Variants in SWAP70 observed in about 807,000 individuals in gnomAD.
The protein encoded by SWAP70 is switching B cell complex subunit SWAP70, also known as switch-associated protein 70.
SWAP70 carries 34 observed loss-of-function variants against 80.2 expected under a neutral mutation model. The observed-to-expected ratio is 0.42, with a 90% CI of 0.32 to 0.56. SWAP70 has a LOEUF of 0.56. Ranked by LOEUF, SWAP70 falls within the 20% of genes least tolerant of loss-of-function variation. SWAP70 has a pLI of 0.09. For missense variants in SWAP70, 578 were observed against 690.7 expected (o/e 0.84, Z 1.83); for synonymous variants, 239 against 238.5 (o/e 1.00, Z -0.02).
At chr11:9,672,554 T>G (rs12801039) in intron 1 of SWAP70, among the ~76,000 whole-genome samples, 5 of 145,142 alleles carry the variant, frequency 3.4e-5, no homozygotes, top group Non-Finnish European at 7.5e-5. Context: ...TTTTTTTTTT[T>G]GTAGAGACAG....
chr11:9,736,585 T>C (rs1851366122), intron 7 of SWAP70, among the ~76,000 whole-genome samples: 1 of 152,056 alleles, frequency 6.6e-6, no homozygotes. Flanking sequence ...CCTCACAGTG[T>C]GAAGCTTCTG....
intron 9 of SWAP70, among the ~76,000 whole-genome samples, chr11:9,743,809 G>A (rs557007433): frequency 3.0e-4 from 45 of 151,870 alleles, no homozygotes; most frequent in African/African-American, 9.7e-4. Context: ...CCGATCATTC[G>A]TGGAATATTT....
chr11:9,678,815 A>G (rs901457071), intron 1 of SWAP70, among the ~76,000 whole-genome samples: 2 of 152,032 alleles, frequency 1.3e-5, no homozygotes, highest in Admixed American at 1.3e-4. Flanking sequence ...AGTGGTGATT[A>G]TTAGCACATT....
rs569912929 is a variant in SWAP70 at position 9,739,934 on chromosome 11, G to A, written c.1189-247G>A. 1.2e-3 allele frequency among the ~76,000 whole-genome samples: 179 copies of A among 152,324 alleles called. 1 individual carries two copies. The highest frequency in any genetic ancestry group is 7.3e-3 in the South Asian group (35 of 4,826). The stretch of plus-strand genomic sequence containing the variant: ...TTGAGTCTTAAAATGTGGAGTGGAA[G>A]GGATGGAAAATACAGCAGGGCAGAA... On this transcript the variant is annotated intron_variant, in intron 8 of 11. Coordinates refer to ENST00000318950, the MANE Select transcript of SWAP70 (RefSeq NM_015055.4).
intron 6 of SWAP70, among the ~76,000 whole-genome samples, chr11:9,730,038 A>C (rs1443341999): frequency 6.6e-6 from 1 of 152,188 alleles, no homozygotes; most frequent in African/African-American, 2.4e-5. Flanking sequence ...TGTAGTGATG[A>C]AATCTGGGCT....
chr11:9,694,033 G>T, intron 1 of SWAP70, 113 bp from the exon 2 acceptor site: 2 of 1,347,966 alleles, frequency 1.5e-6, no homozygotes, highest in Admixed American at 5.4e-5. Flanking sequence ...GTTTTTGCTA[G>T]TTTATTTTCC....
chr11:9,701,330 C>T (rs545148292), intron 2 of SWAP70, among the ~76,000 whole-genome samples: 4 of 151,932 alleles, frequency 2.6e-5, no homozygotes, highest in African/African-American at 9.7e-5. Context: ...TGCCACCACG[C>T]CCAGCTACTT....
chr11:9,671,658 C>CAAATAGAAA (rs1850400238), intron 1 of SWAP70, among the ~76,000 whole-genome samples: 2 of 13,542 alleles, frequency 1.5e-4, no homozygotes, highest in Non-Finnish European at 2.3e-4. Flanking sequence ...AAATATATTT[C>CAAATAGAAA]TATATAAATA....
At chr11:9,675,370 A>AGAGG (rs1565111704) in intron 1 of SWAP70, among the ~76,000 whole-genome samples, 1 of 33,476 alleles carries the variant, frequency 3.0e-5, no homozygotes, top group Admixed American at 2.7e-4. Flanking sequence ...AGAGAGAGAG[A>AGAGG]GAGAGAGAGA....
chr11:9,716,190 T>C (rs1219672160), intron 3 of SWAP70, among the ~76,000 whole-genome samples: 1 of 152,130 alleles, frequency 6.6e-6, no homozygotes, highest in African/African-American at 2.4e-5. Flanking sequence ...GAGCCACTGA[T>C]GATTTTTGAG....
intron 6 of SWAP70, among the ~76,000 whole-genome samples, chr11:9,730,465 T>G (rs1160450351): frequency 6.6e-6 from 1 of 152,222 alleles, no homozygotes; most frequent in East Asian, 1.9e-4. Context: ...TATGACTGAA[T>G]AGTATTCCAA....
chr11:9,664,188 C>T lies in SWAP70; in HGVS notation c.9C>T (p.Ser3=). 2 of 1,580,976 alleles carry T rather than the reference C, an allele frequency of 1.3e-6. No homozygotes were observed. Among genetic ancestry groups the T allele is most frequent in the East Asian group, 2.4e-5 (1 of 42,352 alleles). The part of the protein sequence containing the change: MG[S]LKEELLKAIW... ...GCAGCAGGGCCGCGGCCATGGGGAG[C>T]TTGAAGGAGGAGCTGCTCAAAGCCA... Residue 3 remains serine, a synonymous_variant, in exon 1 of 12, where the codon AGC becomes AGT. Coordinates refer to ENST00000318950, the MANE Select transcript of SWAP70 (RefSeq NM_015055.4).
At chr11:9,708,185 A>G (rs193009577) in intron 2 of SWAP70, among the ~76,000 whole-genome samples, 5 of 152,300 alleles carry the variant, frequency 3.3e-5, no homozygotes, top group Non-Finnish European at 5.9e-5. Context: ...ATCATATGGT[A>G]GTTCTATTTT....
At chr11:9,718,220 G>A (rs1365507440) in intron 3 of SWAP70, among the ~76,000 whole-genome samples, 3 of 152,192 alleles carry the variant, frequency 2.0e-5, no homozygotes, top group African/African-American at 4.8e-5. Context: ...GTTACTGTTT[G>A]GACTCACTCT....
chr11:9,692,841 T>A (rs1850712944), intron 1 of SWAP70, among the ~76,000 whole-genome samples: 1 of 152,164 alleles, frequency 6.6e-6, no homozygotes, highest in Non-Finnish European at 1.5e-5. Flanking sequence ...AAACACAGGG[T>A]TTGCTTGAGA....
intron 1 of SWAP70, among the ~76,000 whole-genome samples, chr11:9,685,750 C>T (rs1850623293): frequency 6.6e-6 from 1 of 152,176 alleles, no homozygotes; most frequent in Non-Finnish European, 1.5e-5. Flanking sequence ...TCTCCTGCCT[C>T]AGCTTCCCGA....
chr11:9,713,607 G>A lies in SWAP70; in HGVS notation c.382G>A (p.Asp128Asn), dbSNP rs759730001. 1.4e-5 allele frequency: 23 copies of A among 1,613,596 alleles called. No individual in the cohort carries two copies. The highest frequency in any genetic ancestry group is 1.7e-5 in the Non-Finnish European group (20 of 1,179,896). The change falls in exon 3 of 12, where the codon GAC becomes AAC. Residue 128 changes from aspartate to asparagine, a missense_variant. Physicochemically the swap from Asp to Asn is conservative, Grantham distance 23 (BLOSUM62 1). Coordinates refer to ENST00000318950, the MANE Select transcript of SWAP70 (RefSeq NM_015055.4). ...GGTTATTTTCAACTTTTTATCTGAG[G>A]ACAAGTATCCATTAATTATTGTGTC... ...IWVIFNFLSE[D>N]KYPLIIVSEE...
At chr11:9,666,470 C>T (rs1335509474) in intron 1 of SWAP70, among the ~76,000 whole-genome samples, 1 of 151,926 alleles carries the variant, frequency 6.6e-6, no homozygotes, top group African/African-American at 2.4e-5. Context: ...AATATCCATC[C>T]CTAACTTTTC....
At chr11:9,713,326 C>A in intron 2 of SWAP70, 140 bp from the exon 3 acceptor site, 2 of 850,918 alleles carry the variant, frequency 2.4e-6, no homozygotes, top group Non-Finnish European at 3.5e-6. Context: ...ATACCTAAAG[C>A]AAATATGTAG....
Sources: gnomAD v4.1 joint callset for allele counts (sites outside exome capture counted in the v4.1 genomes callset) on GRCh38, gnomAD v4.1.1 for gene constraint, MANE v1.5 for transcripts, NCBI Gene and HGNC (gene_info 2026-07-23, HGNC 2026-07-21) for gene names.